The following GRID2 variants were observed in gnomAD, a reference collection of about 807,000 sequenced individuals.
GRID2 encodes the protein glutamate receptor ionotropic, delta-2.
In GRID2, 33 loss-of-function variants were observed where a neutral mutation model predicts 114.8. That is an observed-to-expected ratio of 0.29 (90% CI 0.22 to 0.38). The LOEUF (loss-of-function observed/expected upper bound fraction) is 0.38. Ranked by LOEUF, GRID2 falls within the 10% of genes least tolerant of loss-of-function variation. The pLI is 1.00. For synonymous variants in GRID2, 505 were observed against 449.9 expected, an observed-to-expected ratio of 1.12 and a Z score of -1.55; for missense variants, 1,184 against 1,257.7, an observed-to-expected ratio of 0.94 and a Z score of 0.89.
At chr4:93,591,297 G>GC (rs1738271241) in intron 13 of GRID2, among the ~76,000 whole-genome samples, 2 of 151,848 alleles carry the variant, frequency 1.3e-5, no homozygotes, top group African/African-American at 4.8e-5. Context: ...GGCCTTTTCT[G>GC]CATCTATTGA....
At chr4:92,910,720 C>G (rs1288123036) in intron 2 of GRID2, among the ~76,000 whole-genome samples, 1 of 151,944 alleles carries the variant, frequency 6.6e-6, no homozygotes, top group Non-Finnish European at 1.5e-5. Context: ...TGCTTGAGTC[C>G]CTGATATAAA....
chr4:92,864,013 A>G (rs1042732362), intron 2 of GRID2, among the ~76,000 whole-genome samples: 1 of 152,216 alleles, frequency 6.6e-6, no homozygotes, highest in African/African-American at 2.4e-5. Context: ...TAGTAACAGA[A>G]TAGACACGCC....
intron 2 of GRID2, among the ~76,000 whole-genome samples, chr4:92,750,623 T>G (rs373794649): frequency 2.9e-4 from 44 of 152,218 alleles, no homozygotes; most frequent in African/African-American, 1.0e-3. Context: ...ACATTTCTTA[T>G]GTCAGTAGCC....
intron 5 of GRID2, among the ~76,000 whole-genome samples, chr4:93,214,929 C>G (rs990821121): frequency 6.6e-6 from 1 of 151,916 alleles, no homozygotes; most frequent in Non-Finnish European, 1.5e-5. Flanking sequence ...TCTTCAGAGA[C>G]TGTTTCTTTT....
intron 2 of GRID2, among the ~76,000 whole-genome samples, chr4:92,727,303 A>C (rs1273776359): frequency 2.0e-5 from 3 of 152,058 alleles, no homozygotes; most frequent in East Asian, 3.9e-4. Flanking sequence ...AATAAATCTC[A>C]ATATAAATTT....
chr4:93,740,091 C>T (rs72875938), intron 14 of GRID2, among the ~76,000 whole-genome samples: 6,840 of 152,074 alleles, frequency 0.045, 504 homozygotes, highest in African/African-American at 0.15. Flanking sequence ...GATTATAATG[C>T]TGTATTTTTA....
chr4:92,665,288 C>CA (rs34581647), intron 2 of GRID2, among the ~76,000 whole-genome samples: 48,631 of 134,292 alleles, frequency 0.36, 8,132 homozygotes, highest in East Asian at 0.47. Context: ...ACTTCAATAA[C>CA]AAAAAAAAAA....
intron 1 of GRID2, among the ~76,000 whole-genome samples, chr4:92,514,176 T>C (rs1724391919): frequency 6.6e-6 from 1 of 151,916 alleles, no homozygotes; most frequent in South Asian, 2.1e-4. Flanking sequence ...TAATTTCACA[T>C]AGACAGCATT....
chr4:92,784,773 T>C (rs1045623951), intron 2 of GRID2, among the ~76,000 whole-genome samples: 4 of 151,862 alleles, frequency 2.6e-5, no homozygotes, highest in African/African-American at 7.2e-5. Context: ...CAGTGAAAAA[T>C]AGCAAACCAG....
chr4:92,485,348 A>T (rs200854259), intron 1 of GRID2, among the ~76,000 whole-genome samples: 177 of 49,360 alleles, frequency 3.6e-3, no homozygotes, highest in Non-Finnish European at 5.2e-3. Flanking sequence ...ATATATATAT[A>T]GTGTGTGTGT....
At chr4:93,363,999 T>C (rs1762107623) in intron 8 of GRID2, among the ~76,000 whole-genome samples, 1 of 152,062 alleles carries the variant, frequency 6.6e-6, no homozygotes, top group Admixed American at 6.6e-5. Context: ...TAAATTCTCT[T>C]GCCAAAGAGT....
chr4:93,301,841 G>C (rs570285511), intron 8 of GRID2, among the ~76,000 whole-genome samples: 2 of 152,190 alleles, frequency 1.3e-5, no homozygotes, highest in East Asian at 3.9e-4. Context: ...TCTGATAAAA[G>C]GAGGTTCATT....
At chr4:93,681,239 T>C (rs1725500990) in intron 14 of GRID2, among the ~76,000 whole-genome samples, 1 of 151,324 alleles carries the variant, frequency 6.6e-6, no homozygotes, top group Non-Finnish European at 1.5e-5. Context: ...AAGGACCTCT[T>C]CAAGAAGAAC....
At chr4:92,850,719 T>G (rs781581244) in intron 2 of GRID2, among the ~76,000 whole-genome samples, 1 of 151,992 alleles carries the variant, frequency 6.6e-6, no homozygotes, top group Non-Finnish European at 1.5e-5. Context: ...AGCAAGCTGC[T>G]GCAGATGTCA....
At chr4:93,496,860 G>A (rs1192847321) in intron 12 of GRID2, among the ~76,000 whole-genome samples, 4 of 151,824 alleles carry the variant, frequency 2.6e-5, no homozygotes, top group Non-Finnish European at 5.9e-5. Context: ...GTTTTCTGTG[G>A]ATTTTTTGTT....
intron 13 of GRID2, among the ~76,000 whole-genome samples, chr4:93,622,596 C>T (rs1228833511): frequency 1.3e-5 from 2 of 152,090 alleles, no homozygotes; most frequent in Admixed American, 1.3e-4. Flanking sequence ...GTCTAGGGTA[C>T]CACAGACACT....
At chr4:93,715,323 G>A (rs947575566) in intron 14 of GRID2, among the ~76,000 whole-genome samples, 2 of 152,034 alleles carry the variant, frequency 1.3e-5, no homozygotes, top group Non-Finnish European at 1.5e-5. Flanking sequence ...ATGCTATTTT[G>A]GTTACTGTAG....
intron 2 of GRID2, among the ~76,000 whole-genome samples, chr4:92,599,028 CTTTT>C (rs79836874): frequency 8.7e-6 from 1 of 115,288 alleles, no homozygotes; most frequent in Non-Finnish European, 1.8e-5. Context: ...AATGCTTTTC[CTTTT>C]TTTTTTTTTT....
chr4:93,196,911 A>T (rs1741558153), intron 4 of GRID2, among the ~76,000 whole-genome samples: 1 of 152,280 alleles, frequency 6.6e-6, no homozygotes, highest in Non-Finnish European at 1.5e-5. Flanking sequence ...ATACATGTGT[A>T]TGTGACTGTA....
Sources: gnomAD v4.1 joint callset for allele counts (sites outside exome capture counted in the v4.1 genomes callset) on GRCh38, gnomAD v4.1.1 for gene constraint, MANE v1.5 for transcripts, NCBI Gene and HGNC (gene_info 2026-07-23, HGNC 2026-07-21) for gene names.